The following CACNA1E variants were observed in gnomAD, a reference collection of about 807,000 sequenced individuals.
CACNA1E encodes voltage-dependent R-type calcium channel subunit alpha-1E.
A neutral mutation model predicts 259.2 loss-of-function variants in CACNA1E; 40 were observed. The observed-to-expected ratio is 0.15, with a 90% CI of 0.12 to 0.20. CACNA1E has a LOEUF of 0.20. CACNA1E is among the 10% of genes least tolerant of loss of function. The pLI is 1.00. For missense variants in CACNA1E, 1,874 were observed against 3,040.1 expected (o/e 0.62, Z 9.02); for synonymous variants, 1,104 against 1,138.5 (o/e 0.97, Z 0.61).
chr1:181,385,140 A>G (rs1490403221), intron 1 of CACNA1E, among the ~76,000 whole-genome samples: 2 of 152,292 alleles, frequency 1.3e-5, no homozygotes, highest in African/African-American at 4.8e-5. Context: ...AGAGAAAGAC[A>G]CTTAATCCTG....
chr1:181,390,071 C>G (rs779246223), intron 1 of CACNA1E, among the ~76,000 whole-genome samples: 1 of 152,180 alleles, frequency 6.6e-6, no homozygotes, highest in Non-Finnish European at 1.5e-5. Context: ...CCTGAGAGCA[C>G]GAGGACTTTG....
chr1:181,754,274 T>A (rs1024877837), intron 27 of CACNA1E, among the ~76,000 whole-genome samples: 12 of 151,514 alleles, frequency 7.9e-5, no homozygotes, highest in Admixed American at 2.6e-4. Context: ...CTCCATAACC[T>A]GAGAGAGACG....
At chr1:181,432,118 C>A (rs1313450487) in intron 2 of CACNA1E, among the ~76,000 whole-genome samples, 3 of 152,216 alleles carry the variant, frequency 2.0e-5, no homozygotes, top group African/African-American at 7.2e-5. Flanking sequence ...TCTGATGATA[C>A]CTCCTTGGCC....
At chr1:181,539,850 C>T (rs1411829848) in intron 3 of CACNA1E, among the ~76,000 whole-genome samples, 1 of 152,168 alleles carries the variant, frequency 6.6e-6, no homozygotes, top group African/African-American at 2.4e-5. Flanking sequence ...TTAGTGGCCA[C>T]ATGTAAAAGT....
chr1:181,492,785 T>C (rs1464139599), intron 1 of CACNA1E, among the ~76,000 whole-genome samples: 3 of 152,222 alleles, frequency 2.0e-5, no homozygotes, highest in African/African-American at 7.2e-5. Context: ...TTTTATGCCT[T>C]GGGCTTATTT....
At chr1:181,461,436 G>A (rs1449645497) in intron 2 of CACNA1E, among the ~76,000 whole-genome samples, 1 of 151,310 alleles carries the variant, frequency 6.6e-6, no homozygotes, top group Non-Finnish European at 1.5e-5. Flanking sequence ...AGCTACTCGG[G>A]AGGCTGAGGC....
intron 7 of CACNA1E, among the ~76,000 whole-genome samples, chr1:181,682,615 A>G (rs1650090655): frequency 1.3e-5 from 2 of 152,204 alleles, no homozygotes; most frequent in Admixed American, 6.5e-5. Context: ...TTTAATTGGC[A>G]TATGGTTCCG....
intron 7 of CACNA1E, among the ~76,000 whole-genome samples, chr1:181,681,370 G>A (rs1409306771): frequency 1.3e-5 from 2 of 152,114 alleles, no homozygotes; most frequent in East Asian, 3.9e-4. Flanking sequence ...AACCCACTTG[G>A]CCATCTTGGG....
At chr1:181,529,514 T>C (rs1380528477) in intron 3 of CACNA1E, among the ~76,000 whole-genome samples, 2 of 152,146 alleles carry the variant, frequency 1.3e-5, no homozygotes, top group East Asian at 1.9e-4. Context: ...GCTTGCACTG[T>C]GCACCTGGAA....
At chr1:181,762,679 T>A in intron 33 of CACNA1E, 22 bp downstream of exon 33, 1 of 1,444,578 alleles carries the variant, frequency 6.9e-7, no homozygotes, top group Non-Finnish European at 9.7e-7. Flanking sequence ...ATAAGATCCA[T>A]GTCTGTAAGC....
intron 7 of CACNA1E, among the ~76,000 whole-genome samples, chr1:181,691,716 T>C (rs530987749): frequency 3.0e-4 from 46 of 152,158 alleles, no homozygotes; most frequent in African/African-American, 1.1e-3. Flanking sequence ...AACATCATAC[T>C]GAATGGGCAA....
chr1:181,429,553 T>C (rs1659561835), intron 2 of CACNA1E, among the ~76,000 whole-genome samples: 2 of 152,210 alleles, frequency 1.3e-5, no homozygotes, highest in African/African-American at 4.8e-5. Flanking sequence ...TTGAATTAGT[T>C]TGCCTGGGTC....
intron 18 of CACNA1E, among the ~76,000 whole-genome samples, chr1:181,730,533 TAGAAC>T (rs1655366035): frequency 6.6e-6 from 1 of 152,246 alleles, no homozygotes; most frequent in South Asian, 2.1e-4. Flanking sequence ...CAGGTGAACA[TAGAAC>T]AGGGTCTATG....
chr1:181,365,043 T>C (rs1654165134), intron 1 of CACNA1E, among the ~76,000 whole-genome samples: 1 of 152,214 alleles, frequency 6.6e-6, no homozygotes, highest in South Asian at 2.1e-4. Flanking sequence ...ACCCTGGACA[T>C]GTCTGGGTAG....
chr1:181,638,527 A>G (rs1657444175), intron 6 of CACNA1E, among the ~76,000 whole-genome samples: 1 of 152,104 alleles, frequency 6.6e-6, no homozygotes, highest in East Asian at 1.9e-4. Context: ...CCAGCTTCAC[A>G]TGCTTATTGT....
At chr1:181,502,260 T>TA (rs1386416263) in intron 1 of CACNA1E, among the ~76,000 whole-genome samples, 1 of 152,222 alleles carries the variant, frequency 6.6e-6, no homozygotes, top group African/African-American at 2.4e-5. Flanking sequence ...AACCTAAAAG[T>TA]ATGGACTACC....
chr1:181,505,328 C>A (rs1339982896), intron 1 of CACNA1E, among the ~76,000 whole-genome samples: 1 of 152,088 alleles, frequency 6.6e-6, no homozygotes, highest in Non-Finnish European at 1.5e-5. Context: ...CATCATCCTT[C>A]CAGCAAGACA....
At chr1:181,450,618 A>G (rs896480083) in intron 2 of CACNA1E, among the ~76,000 whole-genome samples, 1 of 152,190 alleles carries the variant, frequency 6.6e-6, no homozygotes, top group Non-Finnish European at 1.5e-5. Flanking sequence ...TCATGGATGG[A>G]GGTATGGGGA....
chr1:181,661,287 G>T (rs1411956131), intron 7 of CACNA1E, among the ~76,000 whole-genome samples: 1 of 152,228 alleles, frequency 6.6e-6, no homozygotes, highest in Admixed American at 6.5e-5. Context: ...AGAGAAGCAA[G>T]ACTGGAAGCA....
Sources: allele counts gnomAD v4.1 joint callset (sites outside exome capture counted in the v4.1 genomes callset), GRCh38; gene constraint gnomAD v4.1.1; transcripts MANE v1.5; gene names NCBI Gene and HGNC (gene_info 2026-07-23, HGNC 2026-07-21).